The following NRXN2 variants were observed in gnomAD, a reference collection of about 807,000 sequenced individuals.
The protein encoded by NRXN2 is neurexin 2.
In NRXN2, 29 loss-of-function variants were observed where a neutral mutation model predicts 128.8. The observed-to-expected ratio is 0.23, with a 90% CI of 0.17 to 0.31. The LOEUF (loss-of-function observed/expected upper bound fraction) is 0.31, where lower values mean the gene tolerates loss of function less well. NRXN2 is among the 10% of genes least tolerant of loss of function. NRXN2 has a pLI of 1.00. For missense variants in NRXN2, 1,881 were observed against 2,452.6 expected (o/e 0.77, Z 4.92); for synonymous variants, 1,098 against 1,075.2 (o/e 1.02, Z -0.41).
chr11:64,638,393 G>A (rs2045119050), intron 17 of NRXN2, among the ~76,000 whole-genome samples: 1 of 152,140 alleles, frequency 6.6e-6, no homozygotes, highest in African/African-American at 2.4e-5. Flanking sequence ...CCAGCACCGC[G>A]GCTGCCTCCG....
At chr11:64,703,383 T>A in intron 2 of NRXN2, among the ~76,000 whole-genome samples, 1 of 152,316 alleles carries the variant, frequency 6.6e-6, no homozygotes, top group Non-Finnish European at 1.5e-5. Flanking sequence ...GATATTACTA[T>A]CACTCCCTTT....
chr11:64,611,482 G>A (rs1744499865), intron 22 of NRXN2, among the ~76,000 whole-genome samples: 1 of 152,198 alleles, frequency 6.6e-6, no homozygotes, highest in African/African-American at 2.4e-5. Flanking sequence ...ACCAGACCAG[G>A]AGGCCCTTGC....
Position 64,623,321 on chromosome 11 carries a change from G to A in NRXN2, c.3848-243C>T. 1 of 620,824 alleles carries A rather than the reference G, an allele frequency of 1.6e-6. No individual in the cohort carries two copies. The highest frequency in any genetic ancestry group is 2.7e-6 in the Non-Finnish European group (1 of 363,826). The allele number at this position is 620,824 out of a possible 1,614,324, so 38.5% of individuals were successfully genotyped here. A position where few individuals can be genotyped will look rare whatever the true frequency, so the allele number is the denominator to read the frequency against. On this transcript the variant is annotated intron_variant, in intron 20 of 22. Coordinates refer to ENST00000265459, the MANE Select transcript of NRXN2 (RefSeq NM_015080.4). The surrounding 1 kb of genome is among the most constrained non-coding windows in gnomAD (Gnocchi z 4.9). The stretch of plus-strand genomic sequence containing the variant: ...AGGGGAGGGCACCCAGGGTACACAT[G>A]GGCTGGGGAAGGGGAGCCCAGTCCC...
intron 17 of NRXN2, among the ~76,000 whole-genome samples, chr11:64,640,462 G>T (rs1054945274): frequency 6.6e-6 from 1 of 152,236 alleles, no homozygotes; most frequent in East Asian, 1.9e-4. Flanking sequence ...AAAGACCATG[G>T]CCTATCTGGG....
At chr11:64,627,433 G>C (rs2043231172) in intron 19 of NRXN2, among the ~76,000 whole-genome samples, 1 of 150,266 alleles carries the variant, frequency 6.7e-6, no homozygotes, top group Non-Finnish European at 1.5e-5. Flanking sequence ...AATGCACCTT[G>C]ACCATTTTCT....
intron 9 of NRXN2, among the ~76,000 whole-genome samples, chr11:64,665,021 G>A (rs1385616809): frequency 2.3e-4 from 34 of 150,544 alleles, no homozygotes; most frequent in African/African-American, 8.3e-4. Flanking sequence ...GGTGGCTCAC[G>A]CCTGTAATCC....
intron 3 of NRXN2, 23 bp downstream of exon 3, chr11:64,697,752 A>C (rs777224600): frequency 2.2e-4 from 357 of 1,613,526 alleles, no homozygotes; most frequent in Non-Finnish European, 2.9e-4. Flanking sequence ...CCACTACCCC[A>C]GTGACAGAGA....
At chr11:64,611,060 A>T (rs1332573160) in intron 22 of NRXN2, among the ~76,000 whole-genome samples, 3 of 152,220 alleles carry the variant, frequency 2.0e-5, no homozygotes, top group African/African-American at 7.2e-5. Flanking sequence ...ACTCACTGCC[A>T]GGGAAGGGCC....
At position 64,653,692 on chromosome 11, in the gene NRXN2, T is replaced by C. The variant is rs2047821076; in HGVS notation, c.2416+4A>G. 1.3e-6 allele frequency: 2 copies of C among 1,596,172 alleles called. No individual in the cohort carries two copies. Among genetic ancestry groups the C allele is most frequent in the African/African-American group, 2.7e-5 (2 of 74,820 alleles). On this transcript the variant is annotated splice_donor_region_variant and intron_variant, in intron 12 of 22. Transcript: ENST00000265459. The stretch of plus-strand genomic sequence containing the variant: ...CTCTGCAGAAGAAGAGGGAAGCCAC[T>C]TACTGGGTGCGCAGCCGACGCGCAG...
chr11:64,676,778 C>G, intron 7 of NRXN2: 2 of 605,904 alleles, frequency 3.3e-6, no homozygotes, highest in Non-Finnish European at 5.9e-6. Context: ...TTCCATTTGT[C>G]TTTTGTATTT....
chr11:64,677,626 G>A (rs2051533772), intron 6 of NRXN2, among the ~76,000 whole-genome samples: 1 of 152,212 alleles, frequency 6.6e-6, no homozygotes, highest in African/African-American at 2.4e-5. Context: ...AGAGAGGGAA[G>A]GCAGGGGATT....
At chr11:64,653,761 CA>C in intron 11 of NRXN2, 39 bp from the exon 12 acceptor site, 4 of 1,421,726 alleles carry the variant, frequency 2.8e-6, no homozygotes, top group Non-Finnish European at 3.8e-6. Flanking sequence ...GAAGGGGAGA[CA>C]AAAAGGTAAA....
Position 64,652,081 on chromosome 11 carries a change from C to A in NRXN2, c.2490G>T (p.Arg830=), listed in dbSNP as rs373431318. 4 of 1,613,322 alleles carry A rather than the reference C, an allele frequency of 2.5e-6. No homozygotes were observed. The highest frequency in any genetic ancestry group is 3.3e-4 in the Middle Eastern group (2 of 6,084). ...CAGACAGCTGCAGGCTCTTGCCACG[C>A]CGGACCACCCTCACCGTGTGCCACT... The part of the protein sequence containing the change: ...DNEWHTVRVV[R]RGKSLQLSVD... The change falls in exon 13 of 23, where the codon CGG becomes CGT. Residue 830 remains arginine, a synonymous_variant. Coordinates refer to ENST00000265459, the MANE Select transcript of NRXN2 (RefSeq NM_015080.4).
chr11:64,683,135 A>G (rs2052535325), intron 6 of NRXN2, among the ~76,000 whole-genome samples: 1 of 152,194 alleles, frequency 6.6e-6, no homozygotes, highest in African/African-American at 2.4e-5. Flanking sequence ...ATAACCTGGA[A>G]GCCACAGTGT....
intron 22 of NRXN2, among the ~76,000 whole-genome samples, chr11:64,610,346 T>A (rs992831374): frequency 5.9e-5 from 9 of 152,110 alleles, no homozygotes; most frequent in Admixed American, 1.3e-4. Context: ...TGGATAAGAA[T>A]GCTGAGGCCT....
chr11:64,662,270 GAGA>G (rs992280640), intron 9 of NRXN2, among the ~76,000 whole-genome samples: 1 of 151,142 alleles, frequency 6.6e-6, no homozygotes, highest in Non-Finnish European at 1.5e-5. Context: ...AAAAGAAGAA[GAGA>G]AGAAGGGAGA....
intron 17 of NRXN2, among the ~76,000 whole-genome samples, chr11:64,647,220 T>TGC (rs1228274538): frequency 6.7e-6 from 1 of 150,110 alleles, no homozygotes; most frequent in African/African-American, 2.4e-5. Context: ...TGTGTGTGTG[T>TGC]GTGTGTGTGT....
In NRXN2 at chr11:64,713,830, TG is replaced by T; in HGVS notation, c.-132del. On this transcript the variant is annotated 5_prime_UTR_variant, in exon 2 of 23. Coordinates refer to ENST00000265459, the MANE Select transcript of NRXN2 (RefSeq NM_015080.4). ...GCTCCCTTGCAGGCTCACAGTGCCATGGGCCCGGCCGCGGGGCGAGGCGCGC... is the reference window on the plus strand; with the variant it reads ...GCTCCCTTGCAGGCTCACAGTGCCATGGCCCGGCCGCGGGGCGAGGCGCGC... 2.2e-6 allele frequency: 1 copy of T among 451,244 alleles called. No homozygotes were observed. Among genetic ancestry groups the T allele is most frequent in the South Asian group, 9.4e-5 (1 of 10,638 alleles). 28.0% of individuals were successfully genotyped at this position (451,244 alleles called of 1,614,324 possible).
rs896987153 is a variant in NRXN2 at position 64,714,900 on chromosome 11, G to A, written c.-244-957C>T. Among the ~76,000 whole-genome samples, 5 of 152,120 alleles carry A rather than the reference G, an allele frequency of 3.3e-5. No individual in the cohort carries two copies. The highest frequency in any genetic ancestry group is 6.5e-5 in the Admixed American group (1 of 15,280). ...TTTGCATCTCGTTAAACTCCAAGTC[G>A]TAATTATTTATATCCAACAACCCTC... On this transcript the variant is annotated intron_variant, in intron 1 of 22. Coordinates refer to ENST00000265459, the MANE Select transcript of NRXN2 (RefSeq NM_015080.4). This position sits in a 1 kb window ranked among gnomAD's most constrained non-coding sequence, Gnocchi z 4.5.
Sources: allele counts gnomAD v4.1 joint callset (sites outside exome capture counted in the v4.1 genomes callset), GRCh38; gene constraint gnomAD v4.1.1; non-coding constraint Gnocchi (gnomAD v3.1); transcripts MANE v1.5; gene names NCBI Gene and HGNC (gene_info 2026-07-23, HGNC 2026-07-21).